MIB1: variants seen among roughly 807,000 people sequenced by gnomAD.
MIB1 encodes the protein E3 ubiquitin-protein ligase MIB1.
Under a neutral mutation model 124.5 loss-of-function variants are expected in MIB1, and 278 were observed. The observed-to-expected ratio is 2.23, with a 90% CI of 2.02 to 2.47. The LOEUF (loss-of-function observed/expected upper bound fraction) is 2.47, where lower values mean the gene tolerates loss of function less well. MIB1 is among the 30% of genes most tolerant of loss of function. The pLI is 0.00. For synonymous variants in MIB1, 446 were observed against 429.4 expected (o/e 1.04, Z -0.48); for missense variants, 957 against 1,254.4 (o/e 0.76, Z 3.58).
chr18:21,860,332 C>T (rs1319187774), intron 20 of MIB1, among the ~76,000 whole-genome samples: 1 of 150,052 alleles, frequency 6.7e-6, no homozygotes, highest in South Asian at 2.1e-4. Flanking sequence ...AACTTCTGGC[C>T]TCAAGGGATC....
At chr18:21,795,524 T>C (rs1032925854) in intron 7 of MIB1, among the ~76,000 whole-genome samples, 4 of 150,926 alleles carry the variant, frequency 2.7e-5, no homozygotes, top group Non-Finnish European at 5.9e-5. Flanking sequence ...TAGGATGATA[T>C]AAGGGGCAAA....
In MIB1 at chr18:21,741,532, G is replaced by T. The variant is rs1400203937; in HGVS notation, c.-52G>T. 3 of 1,270,904 alleles carry T rather than the reference G, an allele frequency of 2.4e-6. No individual in the cohort carries two copies. Among genetic ancestry groups the T allele is most frequent in the South Asian group, 2.5e-5 (1 of 39,850 alleles). 78.7% of individuals were successfully genotyped at this position (1,270,904 alleles called of 1,614,324 possible). On this transcript the variant is annotated 5_prime_UTR_variant, in exon 1 of 21. Transcript: ENST00000261537. The surrounding 1 kb of genome is among the most constrained non-coding windows in gnomAD (Gnocchi z 5.4). The stretch of plus-strand genomic sequence containing the variant: ...CCAACTCCCTCACGGGCCCCCCGGC[G>T]GCAGCGGCGGCGGCGGCGGCGGCAG...
intron 7 of MIB1, among the ~76,000 whole-genome samples, chr18:21,795,724 A>C (rs559805402): frequency 3.9e-4 from 60 of 152,272 alleles, no homozygotes; most frequent in African/African-American, 1.4e-3. Flanking sequence ...AATTCCAAGT[A>C]ATTTTTTAAA....
intron 1 of MIB1, among the ~76,000 whole-genome samples, chr18:21,753,401 A>G (rs982304722): frequency 6.6e-6 from 1 of 151,856 alleles, no homozygotes. Flanking sequence ...TTGGCCAGGC[A>G]GGTCTTGAAC....
intron 1 of MIB1, among the ~76,000 whole-genome samples, chr18:21,716,280 G>A (rs1244844517): frequency 6.6e-6 from 1 of 152,054 alleles, no homozygotes; most frequent in African/African-American, 2.4e-5. Flanking sequence ...CATAAATGAA[G>A]GAAAGATACA....
intron 1 of MIB1, among the ~76,000 whole-genome samples, chr18:21,757,682 C>T (rs1346618913): frequency 2.0e-5 from 3 of 151,030 alleles, no homozygotes; most frequent in Non-Finnish European, 2.9e-5. Context: ...GACAGGGTTT[C>T]ACCATGTTGA....
At chr18:21,705,681 AT>A (rs1439585826) in intron 1 of MIB1, among the ~76,000 whole-genome samples, 1 of 152,216 alleles carries the variant, frequency 6.6e-6, no homozygotes, top group Non-Finnish European at 1.5e-5. Flanking sequence ...AGGATTGTAA[AT>A]TAATGATGTA....
chr18:21,832,936 T>A (rs1230285941), intron 12 of MIB1, among the ~76,000 whole-genome samples: 1 of 152,228 alleles, frequency 6.6e-6, no homozygotes, highest in Admixed American at 6.5e-5. Context: ...TTACATAATG[T>A]GTTATGTGCC....
At chr18:21,769,285 A>C (rs566635464) in intron 3 of MIB1, among the ~76,000 whole-genome samples, 2 of 152,170 alleles carry the variant, frequency 1.3e-5, no homozygotes, top group African/African-American at 4.8e-5. Context: ...GGTGGCAGGG[A>C]ATGGGGGTGA....
chr18:21,733,318 G>T (rs2040780880), intron 1 of MIB1, among the ~76,000 whole-genome samples: 1 of 152,114 alleles, frequency 6.6e-6, no homozygotes, highest in Non-Finnish European at 1.5e-5. Context: ...TTTTGTGGGG[G>T]TTCATACTTT....
chr18:21,770,385 A>C (rs1256463421), intron 3 of MIB1, among the ~76,000 whole-genome samples: 1 of 152,182 alleles, frequency 6.6e-6, no homozygotes, highest in Non-Finnish European at 1.5e-5. Context: ...TATGTGAATG[A>C]AGAAAGTTAA....
intron 16 of MIB1, among the ~76,000 whole-genome samples, chr18:21,848,271 C>T (rs751044307): frequency 3.3e-5 from 5 of 152,096 alleles, no homozygotes; most frequent in Non-Finnish European, 7.4e-5. Context: ...GCCTGACTAA[C>T]ATGGTGAGAC....
chr18:21,787,030 TTC>T (rs200628481), intron 6 of MIB1, among the ~76,000 whole-genome samples: 42 of 151,364 alleles, frequency 2.8e-4, no homozygotes, highest in African/African-American at 9.6e-4. Flanking sequence ...TTTTTTTTTT[TTC>T]CCAGTTTTTG....
chr18:21,847,396 T>C (rs2042144480), intron 16 of MIB1, among the ~76,000 whole-genome samples: 1 of 152,246 alleles, frequency 6.6e-6, no homozygotes, highest in African/African-American at 2.4e-5. Context: ...TCTGATCTTC[T>C]AGTACTCCCA....
chr18:21,841,621 GTGT>G (rs2146503505), intron 13 of MIB1, among the ~76,000 whole-genome samples: 1 of 151,948 alleles, frequency 6.6e-6, no homozygotes, highest in African/African-American at 2.4e-5. Flanking sequence ...TACATTGCTG[GTGT>G]TTTTTTTTTA....
chr18:21,794,442 CCTCT>C (rs147293733), intron 7 of MIB1, among the ~76,000 whole-genome samples: 4,871 of 144,822 alleles, frequency 0.034, 101 homozygotes, highest in Non-Finnish European at 0.048. Flanking sequence ...CATTAAATAG[CCTCT>C]CTCTCTCTCT....
chr18:21,848,685 A>G (rs150681039), intron 16 of MIB1, among the ~76,000 whole-genome samples: 22 of 152,210 alleles, frequency 1.4e-4, no homozygotes, highest in African/African-American at 4.3e-4. Context: ...CTGTAATATA[A>G]TTTTATGTTC....
upstream of MIB1, among the ~76,000 whole-genome samples, chr18:21,740,229 T>C (rs2040829332): frequency 1.3e-5 from 2 of 152,252 alleles, no homozygotes; most frequent in African/African-American, 4.8e-5. Flanking sequence ...GGTTGTATTT[T>C]GTAATTAGGG....
chr18:21,836,751 A>G (rs1248215038), intron 12 of MIB1, among the ~76,000 whole-genome samples: 1 of 152,100 alleles, frequency 6.6e-6, no homozygotes, highest in East Asian at 1.9e-4. Flanking sequence ...TATCTTTTAA[A>G]TTTTCCAGAA....
Sources: allele counts gnomAD v4.1 joint callset (sites outside exome capture counted in the v4.1 genomes callset), GRCh38; gene constraint gnomAD v4.1.1; non-coding constraint Gnocchi (gnomAD v3.1); transcripts MANE v1.5; gene names NCBI Gene and HGNC (gene_info 2026-07-23, HGNC 2026-07-21).